MAPKAP1: variants seen among roughly 807,000 people sequenced by gnomAD.
The protein encoded by MAPKAP1 is target of rapamycin complex 2 subunit MAPKAP1.
Under a neutral mutation model 65.7 loss-of-function variants are expected in MAPKAP1, and 20 were observed. The ratio of observed to expected loss-of-function variants is 0.30; its 90% CI spans 0.21 to 0.44. The LOEUF (loss-of-function observed/expected upper bound fraction) is 0.44. Ranked by LOEUF, MAPKAP1 falls within the 20% of genes least tolerant of loss-of-function variation. The probability of loss-of-function intolerance (pLI) is 1.00; values close to 1 mark genes in which losing one functional copy is unlikely to be tolerated. For synonymous variants in MAPKAP1, 222 were observed against 244.3 expected, an observed-to-expected ratio of 0.91 and a Z score of 0.85; for missense variants, 423 against 648.0, an observed-to-expected ratio of 0.65 and a Z score of 3.77.
At chr9:125,644,599 A>G (rs938455988) in intron 4 of MAPKAP1, among the ~76,000 whole-genome samples, 1 of 152,224 alleles carries the variant, frequency 6.6e-6, no homozygotes, top group African/African-American at 2.4e-5. Context: ...TTCTCTTTTA[A>G]TAAGTGCTCT....
intron 4 of MAPKAP1, among the ~76,000 whole-genome samples, chr9:125,610,926 G>A (rs148706053): frequency 6.6e-6 from 1 of 152,054 alleles, no homozygotes; most frequent in Non-Finnish European, 1.5e-5. Context: ...AACATAGAAG[G>A]CATCATGAAA....
chr9:125,485,121 T>C (rs571621294), intron 8 of MAPKAP1, among the ~76,000 whole-genome samples: 138 of 152,290 alleles, frequency 9.1e-4, no homozygotes, highest in Non-Finnish European at 1.9e-3. Flanking sequence ...CAGGATAGAA[T>C]TGAGGCTCAG....
At chr9:125,653,950 T>C (rs1833961862) in intron 4 of MAPKAP1, among the ~76,000 whole-genome samples, 3 of 152,302 alleles carry the variant, frequency 2.0e-5, no homozygotes, top group Non-Finnish European at 4.4e-5. Flanking sequence ...TGATGGTCTA[T>C]TAAGGATAAT....
chr9:125,521,674 A>G, intron 7 of MAPKAP1: 1 of 1,572,758 alleles, frequency 6.4e-7, no homozygotes, highest in Non-Finnish European at 8.6e-7. Flanking sequence ...TCTGACATCC[A>G]GTCCAGTACT....
rs1416216732 is a variant in MAPKAP1 at position 125,447,950 on chromosome 9, C to G, written c.1346-3352G>C. Among the ~76,000 whole-genome samples the G allele has an allele frequency of 2.6e-5, 4 of 152,112 alleles. No individual in the cohort carries two copies. Among genetic ancestry groups the G allele is most frequent in the Non-Finnish European group, 5.9e-5 (4 of 68,012 alleles). The stretch of plus-strand genomic sequence containing the variant: ...GTCTCCATGGGAGCTCTGGGCAAAC[C>G]AGGGTCATGTGTGGCAGGCAGGTGG... On this transcript the variant is annotated intron_variant, in intron 10 of 11. Transcript: ENST00000265960. The surrounding 1 kb of genome is among the most constrained non-coding windows in gnomAD (Gnocchi z 4.5).
At chr9:125,610,828 C>T (rs1832577678) in intron 4 of MAPKAP1, among the ~76,000 whole-genome samples, 1 of 152,134 alleles carries the variant, frequency 6.6e-6, no homozygotes, top group Non-Finnish European at 1.5e-5. Context: ...GAAGCAAACG[C>T]AGATCCTATT....
chr9:125,609,530 TA>T (rs1832539320), intron 4 of MAPKAP1, among the ~76,000 whole-genome samples: 1 of 152,144 alleles, frequency 6.6e-6, no homozygotes, highest in Non-Finnish European at 1.5e-5. Context: ...TATTTGTCTT[TA>T]AGAAAGAGTC....
At chr9:125,473,147 G>T (rs1331909977) in intron 9 of MAPKAP1, among the ~76,000 whole-genome samples, 1 of 151,512 alleles carries the variant, frequency 6.6e-6, no homozygotes, top group East Asian at 1.9e-4. Flanking sequence ...TATGCCAGGG[G>T]TTGCGCTGCT....
At chr9:125,689,214 G>C (rs966073636) in intron 1 of MAPKAP1, among the ~76,000 whole-genome samples, 1 of 151,836 alleles carries the variant, frequency 6.6e-6, no homozygotes, top group East Asian at 1.9e-4. Flanking sequence ...GAGGTGGGCG[G>C]ATCACGAAGT....
intron 7 of MAPKAP1, among the ~76,000 whole-genome samples, chr9:125,531,228 C>T (rs923820239): frequency 1.3e-5 from 2 of 152,216 alleles, no homozygotes; most frequent in African/African-American, 2.4e-5. Flanking sequence ...TAGAAGGAAG[C>T]ACCACAGTGT....
chr9:125,541,299 G>T (rs1162550733), intron 7 of MAPKAP1, among the ~76,000 whole-genome samples: 1 of 152,160 alleles, frequency 6.6e-6, no homozygotes, highest in Non-Finnish European at 1.5e-5. Flanking sequence ...GAGACAGAAG[G>T]AAAGATACTT....
chr9:125,693,721 G>GTATATATACACACATATACACA (rs1491508540), intron 1 of MAPKAP1, among the ~76,000 whole-genome samples: 3 of 58,920 alleles, frequency 5.1e-5, no homozygotes, highest in Admixed American at 5.0e-4. Context: ...ATATATACAC[G>GTATATATACACACATATACACA]TATATACACA....
rs147278718 is a variant in MAPKAP1, at chr9:125,567,415, T to A, written c.672-7606A>T. The stretch of plus-strand genomic sequence containing the variant: ...TGGCAACAAGAGCGACCTCTGGTCA[T>A]CCTCACTGCTACACTCCCACCAGCG... On this transcript the variant is annotated intron_variant, in intron 5 of 11. Transcript: ENST00000265960. 2.5e-4 allele frequency among the ~76,000 whole-genome samples: 38 copies of A among 152,244 alleles called. 2 individuals are homozygous for A. The highest frequency in any genetic ancestry group is 8.7e-4 in the African/African-American group (36 of 41,536).
intron 4 of MAPKAP1, chr9:125,596,129 C>T: frequency 1.3e-6 from 1 of 792,058 alleles, no homozygotes; most frequent in Non-Finnish European, 2.3e-6. Flanking sequence ...CCTTTGATGG[C>T]CACGACTCCG....
chr9:125,685,484 G>A (rs1371956278), intron 1 of MAPKAP1, among the ~76,000 whole-genome samples: 1 of 152,190 alleles, frequency 6.6e-6, no homozygotes, highest in African/African-American at 2.4e-5. Context: ...GAGTCTGTAG[G>A]GCCTTACAGG....
intron 9 of MAPKAP1, among the ~76,000 whole-genome samples, chr9:125,477,137 T>C (rs962627905): frequency 5.3e-5 from 8 of 152,228 alleles, no homozygotes; most frequent in Admixed American, 4.6e-4. Flanking sequence ...TTTTCTATCA[T>C]TTATCTATAA....
intron 5 of MAPKAP1, among the ~76,000 whole-genome samples, chr9:125,562,050 C>T (rs1268314855): frequency 6.6e-6 from 1 of 152,182 alleles, no homozygotes; most frequent in Admixed American, 6.5e-5. Flanking sequence ...AAGCAACAGA[C>T]AGCACAGATT....
intron 10 of MAPKAP1, among the ~76,000 whole-genome samples, chr9:125,452,885 C>G (rs755453781): frequency 2.6e-5 from 4 of 151,880 alleles, no homozygotes; most frequent in Non-Finnish European, 4.4e-5. Flanking sequence ...CAGCGGGACT[C>G]TGTCTCAAAA....
intron 9 of MAPKAP1, among the ~76,000 whole-genome samples, chr9:125,477,178 G>T (rs1317021240): frequency 6.6e-6 from 1 of 152,114 alleles, no homozygotes; most frequent in Non-Finnish European, 1.5e-5. Context: ...ATCTTATACA[G>T]AATTATTTTA....
Sources: allele counts gnomAD v4.1 joint callset (sites outside exome capture counted in the v4.1 genomes callset), GRCh38; gene constraint gnomAD v4.1.1; non-coding constraint Gnocchi (gnomAD v3.1); transcripts MANE v1.5; gene names NCBI Gene and HGNC (gene_info 2026-07-23, HGNC 2026-07-21).